CAGE1: variants seen among roughly 807,000 people sequenced by gnomAD.
The protein encoded by CAGE1 is cancer-associated gene 1 protein.
Under a neutral mutation model 94.9 loss-of-function variants are expected in CAGE1, and 66 were observed. The observed-to-expected ratio is 0.70, with a 90% CI of 0.57 to 0.85. The LOEUF (loss-of-function observed/expected upper bound fraction) is 0.85, where lower values mean the gene tolerates loss of function less well. Among genes scored for constraint, CAGE1 ranks in the 40% least tolerant of loss-of-function variants. The probability of loss-of-function intolerance (pLI) is 0.00; values close to 1 mark genes in which losing one functional copy is unlikely to be tolerated. For synonymous variants in CAGE1, 319 were observed against 321.0 expected (o/e 0.99, Z 0.07); for missense variants, 865 against 950.4 (o/e 0.91, Z 1.18).
At chr6:7,348,778 T>G (rs1221569099) in intron 11 of CAGE1, among the ~76,000 whole-genome samples, 1 of 152,028 alleles carries the variant, frequency 6.6e-6, no homozygotes, top group Non-Finnish European at 1.5e-5. Flanking sequence ...CTGGAAAGTC[T>G]CAGCAATAGA....
chr6:7,389,514 G>A lies in CAGE1; in HGVS notation c.-336C>T, dbSNP rs1475868464. On this transcript the variant is annotated 5_prime_UTR_variant, in exon 1 of 14. Transcript: ENST00000502583. ...AGGCCCGAGCGACCCTACTGTGGGT[G>A]CGGTGTCTTCCCAGAGAGTGGTGAA... is the stretch of plus-strand genomic sequence containing the variant. 1 of 358,206 alleles carries A rather than the reference G, an allele frequency of 2.8e-6. No homozygotes were observed. Among genetic ancestry groups the A allele is most frequent in the Non-Finnish European group, 5.5e-6 (1 of 180,432 alleles). The allele number at this position is 358,206 out of a possible 1,614,324, so 22.2% of individuals were successfully genotyped here. A position where few individuals can be genotyped will look rare whatever the true frequency, so the allele number is the denominator to read the frequency against.
intron 11 of CAGE1, among the ~76,000 whole-genome samples, chr6:7,343,012 C>A (rs1759245281): frequency 6.6e-6 from 1 of 151,734 alleles, no homozygotes; most frequent in Non-Finnish European, 1.5e-5. Flanking sequence ...CATAGTGAAA[C>A]CCTGTCTCTA....
Position 7,365,544 on chromosome 6 carries a change from C to T in CAGE1, c.2117G>A (p.Ser706Asn), listed in dbSNP as rs779077314. 1 of 1,611,566 alleles carries T rather than the reference C, an allele frequency of 6.2e-7. No individual in the cohort carries two copies. Among genetic ancestry groups the T allele is most frequent in the Non-Finnish European group, 8.5e-7 (1 of 1,178,064 alleles). The change falls in exon 9 of 14, where the codon AGT becomes AAT. Residue 706 changes from serine to asparagine, a missense_variant. Coordinates refer to ENST00000502583, the MANE Select transcript of CAGE1 (RefSeq NM_001170692.2). ...VIDCDSDEAK[S>N]IRDVPTLLGA... ...CAGAAGGGTAGGTACATCTCTGATA[C>T]TCTTGGCTTCATCTGAATCACAGTC...
chr6:7,366,203 G>A (rs143162252), intron 7 of CAGE1, among the ~76,000 whole-genome samples: 1,654 of 143,250 alleles, frequency 0.012, 27 homozygotes, highest in African/African-American at 0.043. Context: ...CCGAGATGGC[G>A]CCATTGCACT....
intron 11 of CAGE1, among the ~76,000 whole-genome samples, chr6:7,346,626 C>T (rs1366018146): frequency 3.3e-5 from 5 of 151,886 alleles, no homozygotes; most frequent in South Asian, 2.1e-4. Flanking sequence ...GTGAATGGAT[C>T]ACTTGAGGCC....
intron 13 of CAGE1, among the ~76,000 whole-genome samples, chr6:7,328,348 G>A (rs545517779): frequency 6.6e-6 from 1 of 152,288 alleles, no homozygotes; most frequent in African/African-American, 2.4e-5. Context: ...GTGCTATTAC[G>A]TCAAAGGGTA....
chr6:7,369,728 T>C (rs889426736), intron 6 of CAGE1, among the ~76,000 whole-genome samples, 191 bp downstream of exon 6: 10 of 152,202 alleles, frequency 6.6e-5, no homozygotes, highest in African/African-American at 2.4e-4. Context: ...GCATTAGGTG[T>C]TCAAGAAAGA....
chr6:7,344,240 G>A (rs957700077), intron 11 of CAGE1, among the ~76,000 whole-genome samples: 9 of 152,040 alleles, frequency 5.9e-5, no homozygotes, highest in African/African-American at 9.7e-5. Flanking sequence ...GCGGGAACCG[G>A]GGCTGGGCGT....
chr6:7,382,146 C>A (rs1760956996), intron 3 of CAGE1, among the ~76,000 whole-genome samples: 1 of 151,992 alleles, frequency 6.6e-6, no homozygotes, highest in Non-Finnish European at 1.5e-5. Flanking sequence ...CCATTATGTG[C>A]CTTTTTCTAA....
chr6:7,366,264 AT>A (rs1181960308), intron 7 of CAGE1, among the ~76,000 whole-genome samples: 2 of 151,600 alleles, frequency 1.3e-5, no homozygotes, highest in South Asian at 2.1e-4. Flanking sequence ...AAAAAAAAAA[AT>A]CAAACCATGC....
Position 7,368,881 on chromosome 6 carries a change from A to C in CAGE1, c.1894-83T>G, listed in dbSNP as rs1760443938. On this transcript the variant is annotated intron_variant, in intron 6 of 13. Coordinates refer to ENST00000502583, the MANE Select transcript of CAGE1 (RefSeq NM_001170692.2). The stretch of plus-strand genomic sequence containing the variant: ...GCCAAAACTATGCATATGAAACAAA[A>C]ACAAATCTCCTTTCAATAAGTAAGC... 3 of 725,264 alleles carry C rather than the reference A, an allele frequency of 4.1e-6. No individual in the cohort carries two copies. The African/African-American group carries it at 5.5e-5, about 13-fold the overall frequency. 44.9% of individuals were successfully genotyped at this position (725,264 alleles called of 1,614,324 possible).
At chr6:7,345,380 C>CT (rs978607499) in intron 11 of CAGE1, among the ~76,000 whole-genome samples, 1 of 151,992 alleles carries the variant, frequency 6.6e-6, no homozygotes, top group Non-Finnish European at 1.5e-5. Context: ...TCAGAAGGAA[C>CT]AAACGCCAGA....
At chr6:7,329,126 G>C (rs746736709) in intron 13 of CAGE1, 99 of 346,506 alleles carry the variant, frequency 2.9e-4, no homozygotes, top group Middle Eastern at 1.7e-3. Flanking sequence ...AGAGACGAGG[G>C]TTCCCCATGT....
At position 7,389,331 on chromosome 6, in the gene CAGE1, C is replaced by T. The variant is rs1206957691; in HGVS notation, c.-153G>A. 1 of 456,184 alleles carries T rather than the reference C, an allele frequency of 2.2e-6. No homozygotes were observed. The highest frequency in any genetic ancestry group is 4.4e-6 in the Non-Finnish European group (1 of 226,970). The allele number at this position is 456,184 out of a possible 1,614,324, so 28.3% of individuals were successfully genotyped here. A position where few individuals can be genotyped will look rare whatever the true frequency, so the allele number is the denominator to read the frequency against. On this transcript the variant is annotated 5_prime_UTR_variant, in exon 1 of 14. Coordinates refer to ENST00000502583, the MANE Select transcript of CAGE1 (RefSeq NM_001170692.2). ...ACCCACGCTACGGACCTGGCTCTCC[C>T]TCCCTCTGCACCGGGTTTTGTGGGA...
chr6:7,387,884 AT>A (rs1761176223), intron 1 of CAGE1, among the ~76,000 whole-genome samples: 1 of 134,612 alleles, frequency 7.4e-6, no homozygotes. Context: ...AAAAAAAAAA[AT>A]TAGCTGGGCG....
intron 1 of CAGE1, among the ~76,000 whole-genome samples, chr6:7,387,667 C>A (rs1761164154): frequency 6.6e-6 from 1 of 151,970 alleles, no homozygotes; most frequent in African/African-American, 2.4e-5. Flanking sequence ...TCTTGGCATC[C>A]CTCTACCTCA....
intron 5 of CAGE1, among the ~76,000 whole-genome samples, chr6:7,372,103 G>C (rs1760555525): frequency 6.6e-6 from 1 of 152,104 alleles, no homozygotes; most frequent in Non-Finnish European, 1.5e-5. Context: ...GTTTTGCCTT[G>C]TAAACCAAAC....
chr6:7,369,308 G>A (rs376810944), intron 6 of CAGE1, among the ~76,000 whole-genome samples: 3 of 151,974 alleles, frequency 2.0e-5, no homozygotes, highest in African/African-American at 4.8e-5. Flanking sequence ...GCACCTGGCC[G>A]TGCATGTCCC....
At chr6:7,388,293 CT>C (rs1048499776) in intron 1 of CAGE1, among the ~76,000 whole-genome samples, 1 of 152,164 alleles carries the variant, frequency 6.6e-6, no homozygotes, top group African/African-American at 2.4e-5. Context: ...GATAATGTTC[CT>C]TACGAATTAA....
Sources: allele counts gnomAD v4.1 joint callset (sites outside exome capture counted in the v4.1 genomes callset), GRCh38; gene constraint gnomAD v4.1.1; transcripts MANE v1.5; gene names NCBI Gene and HGNC (gene_info 2026-07-23, HGNC 2026-07-21).